CTC1: variants seen among roughly 807,000 people sequenced by gnomAD.
The protein encoded by CTC1 is CST telomere replication complex component 1.
CTC1 carries 91 observed loss-of-function variants against 136.3 expected under a neutral mutation model. The observed-to-expected ratio is 0.67, with a 90% CI of 0.56 to 0.79. The LOEUF is 0.79. Among genes scored for constraint, CTC1 ranks in the 30% least tolerant of loss-of-function variants. The pLI, the probability that CTC1 is intolerant of heterozygous loss-of-function variation, is 0.00. For synonymous variants in CTC1, 606 were observed against 613.8 expected (o/e 0.99, Z 0.19); for missense variants, 1,432 against 1,498.1 (o/e 0.96, Z 0.73).
rs1986667795 is a variant in CTC1, at chr17:8,226,364, CGGACCGAGCTTTTTCA to C, written c.*1800_*1815del. 6.6e-6 allele frequency: 1 copy of C among 152,134 alleles called. No homozygotes were observed. The highest frequency in any genetic ancestry group is 2.4e-5 in the African/African-American group (1 of 41,434). The allele number at this position is 152,134 out of a possible 1,614,324, so 9.4% of individuals were successfully genotyped here. A position where few individuals can be genotyped will look rare whatever the true frequency, so the allele number is the denominator to read the frequency against. The stretch of plus-strand genomic sequence containing the variant: ...CTACAAGAATATAGAGCTAGGAACC[CGGACCGAGCTTTTTCA>C]GATCTTTCTAGAACTAATTTGGTAA... On this transcript the variant is annotated 3_prime_UTR_variant, in exon 23 of 23. Transcript: ENST00000651323.
Position 8,236,128 on chromosome 17 carries a change from A to G in CTC1, c.1007T>C (p.Met336Thr), listed in dbSNP as rs376721027. 55 of 1,614,116 alleles carry G rather than the reference A, an allele frequency of 3.4e-5. No individual in the cohort carries two copies. Among genetic ancestry groups the G allele is most frequent in the Non-Finnish European group, 4.4e-5 (52 of 1,180,048 alleles). Residue 336 changes from methionine (M) to threonine (T), a missense_variant, in exon 6 of 23, where the codon ATG becomes ACG. Physicochemically the swap from Met to Thr is moderately conservative, Grantham distance 81. Transcript: ENST00000651323. ...LLEADPKPLP[M>T]PSNSEDKKDP... ...CTTCTTGTCCTCCGAGTTGCTGGGC[A>G]TGGGGAGTGGCTTGGGGTCAGCCTC...
chr17:8,232,215 C>A lies in CTC1; in HGVS notation c.2073G>T (p.Gln691His). The A allele has an allele frequency of 6.5e-7, 1 of 1,528,808 alleles. No individual in the cohort carries two copies. The highest frequency in any genetic ancestry group is 8.8e-7 in the Non-Finnish European group (1 of 1,141,458). 94.7% of individuals were successfully genotyped at this position (1,528,808 alleles called of 1,614,324 possible). ...IQKQQARVYV[Q>H]FFLADALILP... ...GGATCAGGGCATCAGCCAGAAAGAA[C>A]TGGACATAGACTCTGTTGGGAGAGA... Residue 691 changes from glutamine to histidine, a missense_variant, in exon 13 of 23, where the codon CAG becomes CAT. Physicochemically the swap from Gln to His is conservative, Grantham distance 24. Coordinates refer to ENST00000651323, the MANE Select transcript of CTC1 (RefSeq NM_025099.6).
intron 2 of CTC1, among the ~76,000 whole-genome samples, chr17:8,240,233 C>A (rs1988097989): frequency 6.6e-6 from 1 of 150,714 alleles, no homozygotes; most frequent in South Asian, 2.1e-4. Context: ...CGGCTCACTG[C>A]AACCTCCGCC....
chr17:8,247,271 T>A (rs1350088252), intron 1 of CTC1, among the ~76,000 whole-genome samples: 1 of 151,332 alleles, frequency 6.6e-6, no homozygotes, highest in Middle Eastern at 3.2e-3. Context: ...CCTTTGAATA[T>A]GTGTTTGCTT....
At position 8,245,695 on chromosome 17, in the gene CTC1, TG is replaced by T. The variant is rs1268864476; in HGVS notation, c.33+2308del. On this transcript the variant is annotated intron_variant, in intron 1 of 22. Coordinates refer to ENST00000651323, the MANE Select transcript of CTC1 (RefSeq NM_025099.6). ...GCTCTCGCCTGTAATCCCAGCACTC[TG>T]GGGGGCCAAGGTGGATCGCTCGAGC... 2.0e-5 allele frequency among the ~76,000 whole-genome samples: 3 copies of T among 152,192 alleles called. No homozygotes were observed. The South Asian group carries it at 6.2e-4, about 32-fold the overall frequency.
Position 8,229,953 on chromosome 17 carries a change from A to G in CTC1, c.2949T>C (p.Tyr983=). 1.9e-6 allele frequency: 3 copies of G among 1,614,154 alleles called. No individual in the cohort carries two copies. The highest frequency in any genetic ancestry group is 2.5e-6 in the Non-Finnish European group (3 of 1,180,026). The change falls in exon 18 of 23, where the codon TAT becomes TAC. Residue 983 remains tyrosine, a synonymous_variant. Transcript: ENST00000651323. ...EKRVSRSHNV[Y]CCFRSSTYVQ... ...CATAAGTGGATGACCGGAAACAACA[A>G]TAAACATTGTGAGATCTGCAAGTGG...
chr17:8,228,445 ATCTATC>A (rs1986903159), intron 22 of CTC1, 52 bp downstream of exon 22: 1 of 1,613,122 alleles, frequency 6.2e-7, no homozygotes, highest in African/African-American at 1.3e-5. Context: ...CCAGGGACCC[ATCTATC>A]TCTATCACCA....
In CTC1 at chr17:8,231,338, T is replaced by C; in HGVS notation, c.2607A>G (p.Gln869=). Residue 869 remains glutamine, a synonymous_variant, in exon 15 of 23, where the codon CAA becomes CAG. Transcript: ENST00000651323. ...TLELESSQDI[Q]DVLDANKSLP... is the part of the protein sequence containing the mutation. ...ATGACTTGTTTGCATCCAGCACATC[T>C]TGGATATCCTGGGAGCTTTCAAGCT... The C allele has an allele frequency of 6.2e-7, 1 of 1,609,076 alleles. No individual in the cohort carries two copies. Among genetic ancestry groups the C allele is most frequent in the Non-Finnish European group, 8.5e-7 (1 of 1,176,098 alleles).
intron 14 of CTC1, 104 bp from the exon 15 acceptor site, chr17:8,231,573 G>T: frequency 7.8e-7 from 1 of 1,274,396 alleles, no homozygotes; most frequent in Non-Finnish European, 1.1e-6. Flanking sequence ...GCATGGAGAA[G>T]GAAGTGTGTC....
In CTC1 at chr17:8,232,154, G is replaced by A. The variant is rs374298095; in HGVS notation, c.2134C>T (p.Pro712Ser). 1.3e-6 allele frequency: 2 copies of A among 1,524,598 alleles called. No homozygotes were observed. The highest frequency in any genetic ancestry group is 2.8e-5 in the African/African-American group (2 of 71,746). 94.4% of individuals were successfully genotyped at this position (1,524,598 alleles called of 1,614,324 possible). Residue 712 changes from proline (P) to serine (S), a missense_variant, in exon 13 of 23, where the codon CCC becomes TCC. Pro to Ser is a moderately conservative substitution (Grantham distance 74). Coordinates refer to ENST00000651323, the MANE Select transcript of CTC1 (RefSeq NM_025099.6). ...GTGGGATCTGTCTGAGGTGTTGAGG[G>A]TGTTGCTGAATGAAGGCAGGGTCTG... ...VPRPCLHSATPSTPQTDPTGP... is the reference protein window; with the variant it reads ...VPRPCLHSATSSTPQTDPTGP...
chr17:8,233,105 C>A, intron 10 of CTC1, 73 bp from the exon 11 acceptor site: 1 of 1,526,256 alleles, frequency 6.6e-7, no homozygotes, highest in Admixed American at 1.8e-5. Flanking sequence ...TTGCCAGATG[C>A]TGTATTACAT....
At chr17:8,230,946 G>A (rs1172765202) in intron 15 of CTC1, 3 of 484,564 alleles carry the variant, frequency 6.2e-6, no homozygotes, top group Non-Finnish European at 1.1e-5. Context: ...AGACCAGCCT[G>A]GCCAACATGA....
chr17:8,239,816 A>G (rs1035755799), intron 2 of CTC1, among the ~76,000 whole-genome samples: 9 of 152,164 alleles, frequency 5.9e-5, no homozygotes, highest in Non-Finnish European at 1.2e-4. Flanking sequence ...TACACAAATG[A>G]GTATCAAAGA....
At position 8,230,475 on chromosome 17, in the gene CTC1, A is replaced by G; in HGVS notation, c.2759-7T>C. The G allele has an allele frequency of 6.2e-7, 1 of 1,613,740 alleles. No individual in the cohort carries two copies. The highest frequency in any genetic ancestry group is 8.5e-7 in the Non-Finnish European group (1 of 1,179,760). On this transcript the variant is annotated splice_polypyrimidine_tract_variant and splice_region_variant and intron_variant, in intron 16 of 22. Coordinates refer to ENST00000651323, the MANE Select transcript of CTC1 (RefSeq NM_025099.6). The stretch of plus-strand genomic sequence containing the variant: ...CTCATGGCCCCCGTGTTCCCTATAG[A>G]AGGAAGGTGGGTGTTAGTAGGATCT...
At position 8,234,850 on chromosome 17, in the gene CTC1, G is replaced by A; in HGVS notation, c.1516C>T (p.Leu506Phe). 1.2e-6 allele frequency: 2 copies of A among 1,613,488 alleles called. No homozygotes were observed. The highest frequency in any genetic ancestry group is 1.7e-5 in the Admixed American group (1 of 59,924). Reference sequence around the variant, plus strand: ...AGAAGATCCAGGGTAGGAGCCAGGAGTTGCAGTCCCAGGCTGGGGCTCCCA... The same window carrying A: ...AGAAGATCCAGGGTAGGAGCCAGGAATTGCAGTCCCAGGCTGGGGCTCCCA... The part of the protein sequence containing the change: ...SPGSPSLGLQ[L>F]LAPTLDLLAP... The change falls in exon 9 of 23, where the codon CTC (leucine) becomes TTC (phenylalanine). Residue 506 changes from leucine (L) to phenylalanine (F), a missense_variant. Transcript: ENST00000651323.
At chr17:8,247,890 A>T in intron 1 of CTC1, 114 bp downstream of exon 1, 2 of 1,079,260 alleles carry the variant, frequency 1.9e-6, no homozygotes, top group Non-Finnish European at 2.8e-6. Flanking sequence ...CCCCTCACCC[A>T]TGGGCCGGAC....
At position 8,226,774 on chromosome 17, in the gene CTC1, G is replaced by A. The variant is rs1262450985; in HGVS notation, c.*1406C>T. On this transcript the variant is annotated 3_prime_UTR_variant, in exon 23 of 23. Coordinates refer to ENST00000651323, the MANE Select transcript of CTC1 (RefSeq NM_025099.6). ...ATCTGCCTCCATGAAAGCGCTTCAG[G>A]GAAAAAAAGACGCGGCGGTTGCACG... 8 of 152,088 alleles carry A rather than the reference G, an allele frequency of 5.3e-5. No homozygotes were observed. The highest frequency in any genetic ancestry group is 9.7e-5 in the African/African-American group (4 of 41,402). The allele number at this position is 152,088 out of a possible 1,614,324, so 9.4% of individuals were successfully genotyped here.
At chr17:8,237,974 C>A in intron 4 of CTC1, 57 bp downstream of exon 4, 3 of 1,405,328 alleles carry the variant, frequency 2.1e-6, no homozygotes, top group South Asian at 2.4e-5. Context: ...CCTCCACTGA[C>A]CCAGCATCAT....
chr17:8,242,327 C>T (rs990898117), intron 2 of CTC1, among the ~76,000 whole-genome samples: 1 of 151,944 alleles, frequency 6.6e-6, no homozygotes, highest in African/African-American at 2.4e-5. Context: ...GCCACTGCAC[C>T]TGGCCAATAG....
Sources: allele counts gnomAD v4.1 joint callset (sites outside exome capture counted in the v4.1 genomes callset), GRCh38; gene constraint gnomAD v4.1.1; transcripts MANE v1.5; gene names NCBI Gene and HGNC (gene_info 2026-07-23, HGNC 2026-07-21).